Variants in FOXP2 observed in about 807,000 individuals in gnomAD.
FOXP2 encodes forkhead box protein P2.
In FOXP2, 12 loss-of-function variants were observed where a neutral mutation model predicts 115.8. That is an observed-to-expected ratio of 0.10 (90% CI 0.07 to 0.17). The LOEUF (loss-of-function observed/expected upper bound fraction) is 0.17, where lower values mean the gene tolerates loss of function less well. Among genes scored for constraint, FOXP2 ranks in the 10% least tolerant of loss-of-function variants. FOXP2 has a pLI of 1.00. For synonymous variants in FOXP2, 328 were observed against 297.7 expected (o/e 1.10, Z -1.05); for missense variants, 629 against 843.5 (o/e 0.75, Z 3.15).
chr7:114,150,683 C>A (rs1792506773), intron 1 of FOXP2, among the ~76,000 whole-genome samples: 1 of 151,844 alleles, frequency 6.6e-6, no homozygotes, highest in Non-Finnish European at 1.5e-5. Flanking sequence ...TATATGATGT[C>A]TACTTTACCA....
chr7:114,331,862 G>GT (rs1279118942), intron 2 of FOXP2, among the ~76,000 whole-genome samples: 1 of 151,930 alleles, frequency 6.6e-6, no homozygotes, highest in Admixed American at 6.6e-5. Context: ...TGCCAGGATG[G>GT]TTTCAAACTC....
intron 3 of FOXP2, among the ~76,000 whole-genome samples, chr7:114,549,799 A>G (rs1040126038): frequency 2.0e-5 from 3 of 152,178 alleles, no homozygotes; most frequent in East Asian, 3.9e-4. Flanking sequence ...AAAAAAAAAT[A>G]GTATAATAAA....
intron 1 of FOXP2, among the ~76,000 whole-genome samples, chr7:114,244,939 T>G (rs1299279303): frequency 6.6e-6 from 1 of 152,044 alleles, no homozygotes; most frequent in Non-Finnish European, 1.5e-5. Flanking sequence ...TTTTTTTGTA[T>G]TTTTAGTAGA....
At chr7:114,198,005 C>T (rs566248036) in intron 1 of FOXP2, among the ~76,000 whole-genome samples, 1 of 152,096 alleles carries the variant, frequency 6.6e-6, no homozygotes, top group Non-Finnish European at 1.5e-5. Context: ...GCTGGGATTA[C>T]AGGCATGCAC....
chr7:114,640,852 T>C (rs1490265055), intron 6 of FOXP2, among the ~76,000 whole-genome samples: 1 of 152,196 alleles, frequency 6.6e-6, no homozygotes, highest in Non-Finnish European at 1.5e-5. Context: ...TTCTGCCCAC[T>C]GATCATAAAT....
chr7:114,397,837 G>A (rs931304784), intron 2 of FOXP2, among the ~76,000 whole-genome samples: 5 of 152,164 alleles, frequency 3.3e-5, no homozygotes, highest in Non-Finnish European at 7.3e-5. Flanking sequence ...TAATTTATTA[G>A]GTCAGACCAG....
intron 1 of FOXP2, among the ~76,000 whole-genome samples, chr7:114,207,085 T>C (rs1794219119): frequency 6.6e-6 from 1 of 152,216 alleles, no homozygotes; most frequent in Non-Finnish European, 1.5e-5. Flanking sequence ...ATAAGGCTTA[T>C]TTCACTTAGC....
chr7:114,370,344 A>G (rs1240886692), intron 2 of FOXP2, among the ~76,000 whole-genome samples: 1 of 152,254 alleles, frequency 6.6e-6, no homozygotes, highest in Non-Finnish European at 1.5e-5. Context: ...CTGAAGCAAA[A>G]GAGTCGTGCC....
chr7:114,539,077 A>G (rs766905864), intron 3 of FOXP2, among the ~76,000 whole-genome samples: 1 of 151,916 alleles, frequency 6.6e-6, no homozygotes, highest in Non-Finnish European at 1.5e-5. Context: ...TTACTTTACT[A>G]TTTCATTCCA....
At chr7:114,221,933 C>A (rs781420843) in intron 1 of FOXP2, among the ~76,000 whole-genome samples, 43 of 152,078 alleles carry the variant, frequency 2.8e-4, no homozygotes, top group Non-Finnish European at 5.9e-4. Flanking sequence ...TTCCATCAAG[C>A]CACTGACTGC....
chr7:114,413,448 A>G (rs1793215958), upstream of FOXP2, among the ~76,000 whole-genome samples: 2 of 152,108 alleles, frequency 1.3e-5, no homozygotes, highest in South Asian at 2.1e-4. Context: ...TGCCTATTGC[A>G]TGAGTTTCCT....
At chr7:114,533,108 A>G (rs1454137536) in intron 2 of FOXP2, among the ~76,000 whole-genome samples, 1 of 151,956 alleles carries the variant, frequency 6.6e-6, no homozygotes, top group South Asian at 2.1e-4. Context: ...TGAAAAGTTA[A>G]AAAACAACAA....
At chr7:114,587,789 T>A (rs1163643113) in intron 3 of FOXP2, among the ~76,000 whole-genome samples, 1 of 147,554 alleles carries the variant, frequency 6.8e-6, no homozygotes, top group Admixed American at 6.9e-5. Flanking sequence ...TTCCTAAACC[T>A]GTATAGGAAG....
At chr7:114,419,037 C>A (rs201134586) in intron 1 of FOXP2, among the ~76,000 whole-genome samples, 1 of 151,892 alleles carries the variant, frequency 6.6e-6, no homozygotes, top group East Asian at 1.9e-4. Flanking sequence ...TATCAACTGG[C>A]TATATTTTTC....
At chr7:114,274,435 C>G in intron 1 of FOXP2, among the ~76,000 whole-genome samples, 1 of 151,904 alleles carries the variant, frequency 6.6e-6, no homozygotes, top group Non-Finnish European at 1.5e-5. Flanking sequence ...GAGTGTCTGA[C>G]CTGTATTATT....
intron 1 of FOXP2, among the ~76,000 whole-genome samples, chr7:114,420,059 T>C (rs1793548332): frequency 6.6e-6 from 1 of 151,832 alleles, no homozygotes; most frequent in Non-Finnish European, 1.5e-5. Context: ...AAGAGCTGTA[T>C]TATGCTCAGG....
At chr7:114,522,975 A>T (rs149318714) in intron 2 of FOXP2, among the ~76,000 whole-genome samples, 1 of 151,694 alleles carries the variant, frequency 6.6e-6, no homozygotes, top group African/African-American at 2.4e-5. Context: ...TTATATTTAT[A>T]TAAATAAAAA....
In FOXP2 at chr7:114,120,896, G is replaced by A. The variant is rs147041052; in HGVS notation, c.-247+33058G>A. Among the ~76,000 whole-genome samples the A allele has an allele frequency of 1.7e-3, 265 of 152,132 alleles. 1 individual carries two copies. The highest frequency in any genetic ancestry group is 2.8e-3 in the Admixed American group (43 of 15,250). On this transcript the variant is annotated intron_variant, in intron 1 of 19. Coordinates refer to the FOXP2 transcript ENST00000635638. ...GTCCAGTGGTTTGTCTTAGAGCCTG[G>A]ACTCACACTGTGCAGTAAATTTGAT...
chr7:114,271,836 A>G (rs1471856200), intron 1 of FOXP2, among the ~76,000 whole-genome samples: 10 of 122,332 alleles, frequency 8.2e-5, no homozygotes, highest in South Asian at 6.8e-4. Context: ...TATGAAATAT[A>G]TAAATATTAT....
Sources: allele counts gnomAD v4.1 joint callset (sites outside exome capture counted in the v4.1 genomes callset), GRCh38; gene constraint gnomAD v4.1.1; transcripts MANE v1.5; gene names NCBI Gene and HGNC (gene_info 2026-07-23, HGNC 2026-07-21).